NRXN3: variants seen among roughly 807,000 people sequenced by gnomAD.
NRXN3 encodes the protein neurexin 3.
A neutral mutation model predicts 137.6 loss-of-function variants in NRXN3; 32 were observed. That is an observed-to-expected ratio of 0.23 (90% CI 0.18 to 0.31). The LOEUF is 0.31. Ranked by LOEUF, NRXN3 falls within the 10% of genes least tolerant of loss-of-function variation. The probability of loss-of-function intolerance (pLI) is 1.00; values close to 1 mark genes in which losing one functional copy is unlikely to be tolerated. For missense variants in NRXN3, 1,574 were observed against 2,062.5 expected (o/e 0.76, Z 4.59); for synonymous variants, 798 against 784.5 (o/e 1.02, Z -0.29).
At chr14:78,479,999 G>A (rs1450024509) in intron 4 of NRXN3, among the ~76,000 whole-genome samples, 2 of 152,252 alleles carry the variant, frequency 1.3e-5, no homozygotes. Flanking sequence ...AATTAGCCAG[G>A]CATGATGGCA....
At chr14:79,020,626 G>GGT (rs1429401987) in intron 15 of NRXN3, among the ~76,000 whole-genome samples, 1 of 151,754 alleles carries the variant, frequency 6.6e-6, no homozygotes, top group African/African-American at 2.4e-5. Flanking sequence ...GGGTCAGGGT[G>GGT]GTGAGCTTGA....
At chr14:79,354,694 C>A (rs2093355083) in intron 15 of NRXN3, among the ~76,000 whole-genome samples, 1 of 152,168 alleles carries the variant, frequency 6.6e-6, no homozygotes, top group South Asian at 2.1e-4. Flanking sequence ...GGGTAAAGTG[C>A]AAACCTGGGT....
At chr14:78,397,805 G>C (rs542577546) in intron 4 of NRXN3, among the ~76,000 whole-genome samples, 5 of 151,226 alleles carry the variant, frequency 3.3e-5, no homozygotes, top group South Asian at 4.2e-4. Context: ...GGTTTCACCA[G>C]GTTGCCCAGG....
At chr14:79,085,818 A>G (rs2047986977) in intron 15 of NRXN3, among the ~76,000 whole-genome samples, 1 of 152,220 alleles carries the variant, frequency 6.6e-6, no homozygotes, top group South Asian at 2.1e-4. Flanking sequence ...GTTTTCTAGA[A>G]GCCTCTGAGT....
rs150751981 is a variant in NRXN3 at position 79,549,960 on chromosome 14, G to GTGTTTGTT, written c.3444+82567_3444+82574dup. Among the ~76,000 whole-genome samples, 558 of 134,528 alleles carry GTGTTTGTT rather than the reference G, an allele frequency of 4.1e-3. 1 individual carries two copies. The highest frequency in any genetic ancestry group is 5.2e-3 in the Non-Finnish European group (295 of 57,194). 88.3% of individuals were successfully genotyped at this position (134,528 alleles called of 152,430 possible). A position where few individuals can be genotyped will look rare whatever the true frequency, so the allele number is the denominator to read the frequency against. On this transcript the variant is annotated intron_variant, in intron 16 of 20. Coordinates refer to ENST00000335750, the MANE Select transcript of NRXN3 (RefSeq NM_001330195.2). ...TACAGGTTACTTCTCATATTGTTGGGTGTTTGTTTGTTTGTTAGTTTGTTT... is the reference window on the plus strand; with the variant it reads ...TACAGGTTACTTCTCATATTGTTGGGTGTTTGTTTGTTTGTTTGTTTGTTAGTTTGTTT...
At chr14:78,958,734 A>G (rs192291428) in intron 11 of NRXN3, among the ~76,000 whole-genome samples, 321 of 152,274 alleles carry the variant, frequency 2.1e-3, no homozygotes, top group Admixed American at 7.1e-3. Flanking sequence ...TCTTATCCAT[A>G]TGGGAAAGAA....
intron 15 of NRXN3, among the ~76,000 whole-genome samples, chr14:79,317,750 C>T (rs1463508175): frequency 6.6e-6 from 1 of 152,156 alleles, no homozygotes; most frequent in African/African-American, 2.4e-5. Flanking sequence ...TTTAGAACAT[C>T]TATTTATATT....
intron 15 of NRXN3, among the ~76,000 whole-genome samples, chr14:79,111,667 G>A (rs1411090181): frequency 6.6e-6 from 1 of 151,984 alleles, no homozygotes; most frequent in Non-Finnish European, 1.5e-5. Context: ...AAACCTGGGA[G>A]GTGGACGTTG....
At chr14:79,395,506 TAA>T (rs902615261) in intron 15 of NRXN3, among the ~76,000 whole-genome samples, 1 of 151,638 alleles carries the variant, frequency 6.6e-6, no homozygotes, top group African/African-American at 2.4e-5. Context: ...TGTGTGTGTA[TAA>T]AAAAAATGCA....
At chr14:79,167,177 A>G (rs1384719606) in intron 15 of NRXN3, among the ~76,000 whole-genome samples, 3 of 152,056 alleles carry the variant, frequency 2.0e-5, no homozygotes, top group Non-Finnish European at 4.4e-5. Context: ...TGGTGGCCAC[A>G]TGATATGTTA....
rs373312887 is a variant in NRXN3, at chr14:78,239,556, G to A, written c.-703-2835G>A. Among the ~76,000 whole-genome samples the A allele has an allele frequency of 6.8e-4, 104 of 152,104 alleles. 1 individual carries two copies. The highest frequency in any genetic ancestry group is 1.7e-3 in the South Asian group (8 of 4,814). ...CGGCTTCATGTCTTCCACTCACTCC[G>A]CTCCAACAGCACCTACCTCCTGCTG... On this transcript the variant is annotated intron_variant, in intron 1 of 20. Transcript: ENST00000335750.
chr14:79,343,137 A>G (rs2092698157), intron 15 of NRXN3, among the ~76,000 whole-genome samples: 1 of 152,068 alleles, frequency 6.6e-6, no homozygotes, highest in South Asian at 2.1e-4. Flanking sequence ...TATCTCAAGT[A>G]CTGATCTTAG....
intron 1 of NRXN3, among the ~76,000 whole-genome samples, chr14:78,177,578 T>C (rs1159942177): frequency 6.6e-6 from 1 of 152,076 alleles, no homozygotes; most frequent in Non-Finnish European, 1.5e-5. Context: ...CTCTCAAAAG[T>C]GTCCCGGTTT....
chr14:78,783,018 CT>C (rs1260666781), intron 8 of NRXN3, among the ~76,000 whole-genome samples: 1 of 152,156 alleles, frequency 6.6e-6, no homozygotes, highest in Non-Finnish European at 1.5e-5. Context: ...AGCAAGATCA[CT>C]GATGGATGCT....
At chr14:79,409,932 C>T (rs2095389525) in intron 15 of NRXN3, among the ~76,000 whole-genome samples, 1 of 151,714 alleles carries the variant, frequency 6.6e-6, no homozygotes, top group African/African-American at 2.4e-5. Flanking sequence ...CAGAACTTCT[C>T]TCGTCCCACT....
At chr14:78,467,729 C>G (rs2095151879) in intron 4 of NRXN3, among the ~76,000 whole-genome samples, 1 of 152,194 alleles carries the variant, frequency 6.6e-6, no homozygotes, top group Non-Finnish European at 1.5e-5. Context: ...AGCATTGAAA[C>G]TGCATAGCAG....
At chr14:78,274,492 C>T (rs2073285623) in intron 2 of NRXN3, among the ~76,000 whole-genome samples, 1 of 152,146 alleles carries the variant, frequency 6.6e-6, no homozygotes, top group South Asian at 2.1e-4. Context: ...TGGGTCCCTC[C>T]CATGACTTGT....
At chr14:78,307,792 C>A (rs7149016) in intron 4 of NRXN3, among the ~76,000 whole-genome samples, 1 of 151,952 alleles carries the variant, frequency 6.6e-6, no homozygotes, top group African/African-American at 2.4e-5. Flanking sequence ...GAAACCTAAT[C>A]CAACTTGCAC....
chr14:79,324,884 C>T (rs1468817752), intron 15 of NRXN3, among the ~76,000 whole-genome samples: 1 of 152,078 alleles, frequency 6.6e-6, no homozygotes, highest in Non-Finnish European at 1.5e-5. Context: ...TGTGCATATA[C>T]ATGTGTGTAA....
Sources: allele counts gnomAD v4.1 joint callset (sites outside exome capture counted in the v4.1 genomes callset), GRCh38; gene constraint gnomAD v4.1.1; transcripts MANE v1.5; gene names NCBI Gene and HGNC (gene_info 2026-07-23, HGNC 2026-07-21).